Variants in CDIP1 observed in about 807,000 individuals in gnomAD.
The protein encoded by CDIP1 is cell death inducing p53 target 1, also known as cell death-inducing p53-target protein 1.
Under a neutral mutation model 17.7 loss-of-function variants are expected in CDIP1, and 9 were observed. That is an observed-to-expected ratio of 0.51 (90% confidence interval 0.31 to 0.89). The LOEUF is 0.89. CDIP1 is among the 40% of genes least tolerant of loss of function. The probability of loss-of-function intolerance (pLI) is 0.05; values close to 1 mark genes in which losing one functional copy is unlikely to be tolerated. For missense variants in CDIP1, 263 were observed against 277.9 expected, an observed-to-expected ratio of 0.95 and a Z score of 0.38; for synonymous variants, 117 against 109.5, an observed-to-expected ratio of 1.07 and a Z score of -0.43.
chr16:4,512,782 A>T lies in CDIP1; in HGVS notation c.515+9T>A. 6.3e-7 allele frequency: 1 copy of T among 1,588,572 alleles called. No individual in the cohort carries two copies. Reference sequence around the variant, plus strand: ...CAGCCCCCACCCTACCAGTGCCCACACCACCTACCCCATGAAGCAACAGAA... The same window carrying T: ...CAGCCCCCACCCTACCAGTGCCCACTCCACCTACCCCATGAAGCAACAGAA... On this transcript the variant is annotated intron_variant, in intron 5 of 5. Transcript: ENST00000567695. The surrounding 1 kb of genome is among the most constrained non-coding windows in gnomAD (Gnocchi z 4.6).
chr16:4,526,655 G>A (rs998548292), intron 1 of CDIP1, among the ~76,000 whole-genome samples: 1 of 149,770 alleles, frequency 6.7e-6, no homozygotes, highest in Non-Finnish European at 1.5e-5. Flanking sequence ...AGCTGAGATC[G>A]CGCCACTACA....
Position 4,513,796 on chromosome 16 carries a change from C to T in CDIP1, c.141G>A (p.Ala47=), listed in dbSNP as rs758918388. 14 of 1,604,488 alleles carry T rather than the reference C, an allele frequency of 8.7e-6. No individual in the cohort carries two copies. Among genetic ancestry groups the T allele is most frequent in the Middle Eastern group, 1.7e-4 (1 of 6,012 alleles). The change falls in exon 4 of 6, where the codon GCG becomes GCA. Residue 47 remains alanine, a synonymous_variant. Transcript: ENST00000567695. The surrounding 1 kb of genome is among the most constrained non-coding windows in gnomAD (Gnocchi z 4.1). Reference sequence around the variant, plus strand: ...GCTCATAGGGTGGGGGGCCAATGTCCGCAGGGGGCAGTGGCATGCCTGGAG... The same window carrying T: ...GCTCATAGGGTGGGGGGCCAATGTCTGCAGGGGGCAGTGGCATGCCTGGAG... ...QPPPGMPLPP[A]DIGPPPYEPP...
At chr16:4,520,822 GA>G (rs1170376743) in intron 1 of CDIP1, among the ~76,000 whole-genome samples, 2 of 152,184 alleles carry the variant, frequency 1.3e-5, no homozygotes, top group Non-Finnish European at 2.9e-5. Flanking sequence ...TCATTTTCAA[GA>G]AAGTGTATGC....
intron 1 of CDIP1, chr16:4,533,228 G>A (rs1320251331): frequency 2.0e-5 from 3 of 152,324 alleles, no homozygotes; most frequent in Non-Finnish European, 2.9e-5. Context: ...CAGCCCTGCA[G>A]GGAGGTGGCC....
At chr16:4,518,060 T>A (rs2058906399) in intron 1 of CDIP1, among the ~76,000 whole-genome samples, 1 of 152,178 alleles carries the variant, frequency 6.6e-6, no homozygotes, top group African/African-American at 2.4e-5. Flanking sequence ...GTCCAGGCCC[T>A]GGGATGCTCT....
chr16:4,529,272 G>C (rs987690631), intron 1 of CDIP1, among the ~76,000 whole-genome samples: 1 of 152,162 alleles, frequency 6.6e-6, no homozygotes, highest in African/African-American at 2.4e-5. Context: ...GCTAGCCTAG[G>C]AGACCCCGCC....
At chr16:4,518,766 ATC>A (rs1475125168) in intron 1 of CDIP1, among the ~76,000 whole-genome samples, 1 of 152,248 alleles carries the variant, frequency 6.6e-6, no homozygotes. Flanking sequence ...TACAAGAATA[ATC>A]TTTCAATCAC....
intron 1 of CDIP1, among the ~76,000 whole-genome samples, chr16:4,534,635 G>A (rs1165514040): frequency 6.6e-6 from 1 of 151,516 alleles, no homozygotes; most frequent in Admixed American, 6.6e-5. Context: ...GCGGTACACT[G>A]CAAAGAACCC....
At chr16:4,525,776 T>C (rs778258037) in intron 1 of CDIP1, among the ~76,000 whole-genome samples, 8 of 152,250 alleles carry the variant, frequency 5.3e-5, no homozygotes, top group Non-Finnish European at 1.0e-4. Flanking sequence ...GTTGCCAATG[T>C]GTCCCCTTCT....
intron 1 of CDIP1, among the ~76,000 whole-genome samples, chr16:4,516,113 G>A (rs1040003358): frequency 3.9e-5 from 6 of 152,174 alleles, no homozygotes; most frequent in Admixed American, 3.9e-4. Context: ...AGGAAGCACT[G>A]ACACCCTACA....
rs186119132 is a variant in CDIP1 at position 4,534,492 on chromosome 16, T to C, written c.-105+4210A>G. Among the ~76,000 whole-genome samples, 270 of 152,322 alleles carry C rather than the reference T, an allele frequency of 1.8e-3. 4 individuals are homozygous for C. Among genetic ancestry groups the C allele is most frequent in the African/African-American group, 6.3e-3 (261 of 41,578 alleles). On this transcript the variant is annotated intron_variant, in intron 1 of 5. Coordinates refer to ENST00000567695, the MANE Select transcript of CDIP1 (RefSeq NM_013399.3). The stretch of plus-strand genomic sequence containing the variant: ...ACCCCTGCTGTTTCAGGGCCAGCCA[T>C]GGGCCCTTCTCTGCCATTACTTGGC...
intron 1 of CDIP1, among the ~76,000 whole-genome samples, chr16:4,526,277 C>T (rs963675767): frequency 5.9e-5 from 9 of 152,070 alleles, no homozygotes; most frequent in African/African-American, 1.2e-4. Context: ...TGATGGCATC[C>T]GCCTGTAATC....
intron 1 of CDIP1, among the ~76,000 whole-genome samples, chr16:4,515,929 A>G (rs559158930): frequency 6.6e-6 from 1 of 152,174 alleles, no homozygotes; most frequent in Non-Finnish European, 1.5e-5. Context: ...ACCCCTAGTT[A>G]TCTGCCCAAA....
chr16:4,517,575 T>C (rs1222457137), intron 1 of CDIP1, among the ~76,000 whole-genome samples: 1 of 152,098 alleles, frequency 6.6e-6, no homozygotes. Flanking sequence ...CTCTTGTCTC[T>C]ACAAAAGAAA....
At chr16:4,531,990 C>T (rs1475228956) in intron 1 of CDIP1, among the ~76,000 whole-genome samples, 1 of 152,246 alleles carries the variant, frequency 6.6e-6, no homozygotes, top group Non-Finnish European at 1.5e-5. Context: ...GGGCCTCTAG[C>T]AGGGGGAGTG....
chr16:4,512,992 T>A lies in CDIP1; in HGVS notation c.314A>T (p.Tyr105Phe). Residue 105 changes from tyrosine (Y) to phenylalanine (F), a missense_variant, in exon 5 of 6, where the codon TAC becomes TTC. Tyr to Phe is a conservative substitution (Grantham distance 22, BLOSUM62 3). Transcript: ENST00000567695. The surrounding 1 kb of genome is among the most constrained non-coding windows in gnomAD (Gnocchi z 4.6). ...GGCTGTGTGGCCCCCAGGGCCAGGG[T>A]AGGGCCCTGGCGTGTAGGGCCCTGG... ...YPPGPYTPGPYPGPGGHTATV... is the reference protein window; with the variant it reads ...YPPGPYTPGPFPGPGGHTATV... 6.3e-7 allele frequency: 1 copy of A among 1,589,086 alleles called. No homozygotes were observed. The highest frequency in any genetic ancestry group is 8.6e-7 in the Non-Finnish European group (1 of 1,168,828).
chr16:4,528,395 G>T (rs1030337302), intron 1 of CDIP1, among the ~76,000 whole-genome samples: 1 of 152,160 alleles, frequency 6.6e-6, no homozygotes, highest in Non-Finnish European at 1.5e-5. Context: ...CATATTAACA[G>T]TTTTTCTGGG....
rs776982684 is a variant in CDIP1 at position 4,513,668 on chromosome 16, G to A, written c.241+28C>T. On this transcript the variant is annotated intron_variant, in intron 4 of 5. Transcript: ENST00000567695. This position sits in a 1 kb window ranked among gnomAD's most constrained non-coding sequence, Gnocchi z 4.1. ...CAGACAGCAGCCAGGAGTTCCCCAT[G>A]CTCCCCTCAGATCCCTTCCCCACTC... 3 of 1,600,170 alleles carry A rather than the reference G, an allele frequency of 1.9e-6. No individual in the cohort carries two copies. The South Asian group carries it at 3.3e-5, about 18-fold the overall frequency.
rs150024030 is a variant in CDIP1, at chr16:4,521,535, G to A, written c.-104-6871C>T. On this transcript the variant is annotated intron_variant, in intron 1 of 5. Transcript: ENST00000567695. ...CACCCCAGGGATGTGCTTGCCACCCGGTGGAAGGCTTTAAATGAAACAAGC... is the reference window on the plus strand; with the variant it reads ...CACCCCAGGGATGTGCTTGCCACCCAGTGGAAGGCTTTAAATGAAACAAGC... 2.9e-4 allele frequency among the ~76,000 whole-genome samples: 44 copies of A among 152,048 alleles called. 1 individual carries two copies. The highest frequency in any genetic ancestry group is 8.7e-4 in the African/African-American group (36 of 41,474).
Sources: gnomAD v4.1 joint callset for allele counts (sites outside exome capture counted in the v4.1 genomes callset) on GRCh38, gnomAD v4.1.1 for gene constraint, Gnocchi (gnomAD v3.1) non-coding constraint, MANE v1.5 for transcripts, NCBI Gene and HGNC (gene_info 2026-07-23, HGNC 2026-07-21) for gene names.